FREM3: variants seen among roughly 807,000 people sequenced by gnomAD.
The protein encoded by FREM3 is FRAS1-related extracellular matrix protein 3.
A neutral mutation model predicts 129.1 loss-of-function variants in FREM3; 105 were observed. That is an observed-to-expected ratio of 0.81 (90% CI 0.69 to 0.96). The LOEUF (loss-of-function observed/expected upper bound fraction) is 0.96, where lower values mean the gene tolerates loss of function less well. Ranked by LOEUF, FREM3 falls within the 40% of genes least tolerant of loss-of-function variation. The pLI, the probability that FREM3 is intolerant of heterozygous loss-of-function variation, is 0.00. For missense variants in FREM3, 2,593 were observed against 2,666.3 expected (o/e 0.97, Z 0.61); for synonymous variants, 1,014 against 1,044.9 (o/e 0.97, Z 0.57).
intron 2 of FREM3, among the ~76,000 whole-genome samples, chr4:143,666,539 A>G (rs987829318): frequency 3.9e-5 from 6 of 152,190 alleles, no homozygotes; most frequent in Admixed American, 3.3e-4. Flanking sequence ...ATACAACGGA[A>G]TATTATTCAG....
chr4:143,584,482 T>C (rs1432407831), intron 7 of FREM3, among the ~76,000 whole-genome samples: 1 of 151,426 alleles, frequency 6.6e-6, no homozygotes, highest in Non-Finnish European at 1.5e-5. Context: ...GTTGCTATTC[T>C]AATTTCAGAC....
chr4:143,651,728 C>T (rs1430693160), intron 2 of FREM3, among the ~76,000 whole-genome samples: 2 of 152,090 alleles, frequency 1.3e-5, no homozygotes, highest in Non-Finnish European at 2.9e-5. Context: ...AATCCAATGT[C>T]GACATCAGGA....
intron 6 of FREM3, among the ~76,000 whole-genome samples, chr4:143,599,764 C>A (rs1738540405): frequency 3.0e-5 from 2 of 66,074 alleles, no homozygotes; most frequent in Non-Finnish European, 5.9e-5. Context: ...AGGGTCTATT[C>A]TTGGGCTAGA....
chr4:143,586,576 G>A (rs1738248291), intron 6 of FREM3, among the ~76,000 whole-genome samples: 1 of 152,152 alleles, frequency 6.6e-6, no homozygotes, highest in African/African-American at 2.4e-5. Flanking sequence ...TGACTCCATA[G>A]AAAAAGAAGG....
At chr4:143,628,658 G>T (rs1739088028) in intron 2 of FREM3, among the ~76,000 whole-genome samples, 1 of 152,174 alleles carries the variant, frequency 6.6e-6, no homozygotes, top group African/African-American at 2.4e-5. Flanking sequence ...GCAGTGTGTG[G>T]ACTAGAAAGA....
At chr4:143,630,781 G>A (rs568693388) in intron 2 of FREM3, among the ~76,000 whole-genome samples, 4 of 152,250 alleles carry the variant, frequency 2.6e-5, no homozygotes, top group Non-Finnish European at 5.9e-5. Context: ...AGGAGAAAGA[G>A]GCTGGTAGGA....
At chr4:143,662,358 T>A (rs1282024672) in intron 2 of FREM3, among the ~76,000 whole-genome samples, 1 of 152,218 alleles carries the variant, frequency 6.6e-6, no homozygotes, top group Non-Finnish European at 1.5e-5. Context: ...CAGTAGTCAT[T>A]CAGGAGCAGG....
intron 2 of FREM3, among the ~76,000 whole-genome samples, chr4:143,657,109 C>G (rs1488528288): frequency 6.6e-6 from 1 of 152,216 alleles, no homozygotes; most frequent in Non-Finnish European, 1.5e-5. Flanking sequence ...TATTTCATAT[C>G]TTTCCTGACT....
intron 2 of FREM3, among the ~76,000 whole-genome samples, chr4:143,642,795 T>A (rs1248005970): frequency 1.3e-5 from 2 of 152,060 alleles, no homozygotes; most frequent in East Asian, 3.9e-4. Context: ...TGGAATGACA[T>A]CAAACTCACA....
chr4:143,639,260 G>C (rs925937124), intron 2 of FREM3, among the ~76,000 whole-genome samples: 2 of 152,084 alleles, frequency 1.3e-5, no homozygotes, highest in Non-Finnish European at 2.9e-5. Flanking sequence ...ATTTTCTTCA[G>C]GTCAAAAATG....
At chr4:143,656,393 C>T (rs1235870266) in intron 2 of FREM3, among the ~76,000 whole-genome samples, 1 of 151,992 alleles carries the variant, frequency 6.6e-6, no homozygotes, top group Non-Finnish European at 1.5e-5. Flanking sequence ...ACAATAGCCC[C>T]AAAATGGAAA....
Position 143,624,274 on chromosome 4 carries a change from C to A in FREM3, c.5487G>T (p.Gln1829His). 1 of 1,537,012 alleles carries A rather than the reference C, an allele frequency of 6.5e-7. No individual in the cohort carries two copies. Among genetic ancestry groups the A allele is most frequent in the Non-Finnish European group, 8.7e-7 (1 of 1,146,756 alleles). The change falls in exon 4 of 8, where the codon CAG (glutamine) becomes CAT (histidine). Residue 1829 changes from glutamine (Q) to histidine (H), a missense_variant. Gln to His is a conservative substitution (Grantham distance 24). Around this residue, in one of 2 missense-constraint regions of FREM3, gnomAD observed 317 missense variants for 399.0 expected, o/e 0.79. Transcript: ENST00000329798. ...TAGTCTGTCCAGGATTGAACTGGAT[C>A]TGTTTATTGGTCTTCCATTTGAAAT... ...DKDFKWKTNK[Q>H]IQFNPGQTTA...
chr4:143,663,098 T>G (rs983114711), intron 2 of FREM3, among the ~76,000 whole-genome samples: 1 of 152,128 alleles, frequency 6.6e-6, no homozygotes, highest in Admixed American at 6.6e-5. Context: ...AAGTTAATAT[T>G]GTTATGTCTG....
rs1034534282 is a variant in FREM3 at position 143,696,277 on chromosome 4, C to T, written c.4399G>A (p.Ala1467Thr). 1.7e-5 allele frequency: 26 copies of T among 1,537,520 alleles called. No individual in the cohort carries two copies. Among genetic ancestry groups the T allele is most frequent in the African/African-American group, 6.8e-5 (5 of 73,042 alleles). Residue 1467 changes from alanine (A) to threonine (T), a missense_variant, in exon 1 of 8, where the codon GCT becomes ACT. This residue lies in a region of FREM3 where 2,276 missense variants were observed against 2,267.2 expected (regional missense o/e 1.00). Coordinates refer to ENST00000329798, the MANE Select transcript of FREM3 (RefSeq NM_001168235.2). ...SDEHHFSITRAPSLGHLESSD... is the reference protein window; with the variant it reads ...SDEHHFSITRTPSLGHLESSD... ...CTTTCTAAGTGACCCAGGCTTGGAG[C>T]CCGTGTAATGCTAAAGTGATGTTCA...
Position 143,697,741 on chromosome 4 carries a change from C to T in FREM3, c.2935G>A (p.Val979Ile), listed in dbSNP as rs1740603343. 1 of 1,537,638 alleles carries T rather than the reference C, an allele frequency of 6.5e-7. No individual in the cohort carries two copies. ...MGVIHGKRKD[V>I]GDLMLSFIVK... ...ATGAAAGACAGCATCAAGTCACCTA[C>T]ATCCTTCCTTTTGCCATGGATGACA... The change falls in exon 1 of 8, where the codon GTA (valine) becomes ATA (isoleucine). Residue 979 changes from valine (V) to isoleucine (I), a missense_variant. Around this residue, in one of 2 missense-constraint regions of FREM3, gnomAD observed 2,276 missense variants for 2,267.2 expected, o/e 1.00. Transcript: ENST00000329798.
chr4:143,696,507 G>A lies in FREM3; in HGVS notation c.4169C>T (p.Thr1390Ile), dbSNP rs545440666. 6 of 1,537,600 alleles carry A rather than the reference G, an allele frequency of 3.9e-6. No homozygotes were observed. In the Middle Eastern group the frequency reaches 8.3e-4, roughly 214 times the overall value. Residue 1390 changes from threonine to isoleucine, a missense_variant, in exon 1 of 8, where the codon ACA (threonine) becomes ATA (isoleucine). Thr to Ile is a moderately conservative substitution (Grantham distance 89, BLOSUM62 -1). This residue lies in a region of FREM3 where 2,276 missense variants were observed against 2,267.2 expected (regional missense o/e 1.00). Coordinates refer to ENST00000329798, the MANE Select transcript of FREM3 (RefSeq NM_001168235.2). Reference sequence around the variant, plus strand: ...AATGTCAACAATCCCTTCTTGGCCTGTGTGGATATAGCAGATGAGGCCTCT... The same window carrying A: ...AATGTCAACAATCCCTTCTTGGCCTATGTGGATATAGCAGATGAGGCCTCT... ...INRGLICYIH[T>I]GQEGIVDIIK...
intron 2 of FREM3, among the ~76,000 whole-genome samples, chr4:143,684,116 G>A (rs1740310030): frequency 6.6e-6 from 1 of 152,106 alleles, no homozygotes; most frequent in Non-Finnish European, 1.5e-5. Context: ...GGGGGTTCTA[G>A]GACCCTGCCC....
At chr4:143,597,870 T>C (rs142143372) in intron 6 of FREM3, among the ~76,000 whole-genome samples, 2 of 152,370 alleles carry the variant, frequency 1.3e-5, no homozygotes, top group Non-Finnish European at 2.9e-5. Context: ...GAGTAACTTA[T>C]AAACAACAGA....
chr4:143,665,791 A>G (rs1578859374), intron 2 of FREM3, among the ~76,000 whole-genome samples: 3 of 152,162 alleles, frequency 2.0e-5, no homozygotes, highest in Admixed American at 6.6e-5. Flanking sequence ...TAAATCAACC[A>G]TGTTTCAAGA....
Sources: gnomAD v4.1 joint callset for allele counts (sites outside exome capture counted in the v4.1 genomes callset) on GRCh38, gnomAD v4.1.1 for gene constraint, gnomAD v4.1.1 regional missense constraint, MANE v1.5 for transcripts, NCBI Gene and HGNC (gene_info 2026-07-23, HGNC 2026-07-21) for gene names.